The following LDLRAD2 variants were observed in gnomAD, a reference collection of about 807,000 sequenced individuals.
LDLRAD2 encodes low density lipoprotein receptor class A domain containing 2.
LDLRAD2 carries 25 observed loss-of-function variants against 24.9 expected under a neutral mutation model. That is an observed-to-expected ratio of 1.00 (90% CI 0.73 to 1.40). The LOEUF is 1.40. Among genes scored for constraint, LDLRAD2 ranks in the 40% most tolerant of loss-of-function variants. The pLI is 0.00. For missense variants in LDLRAD2, 391 were observed against 366.2 expected (o/e 1.07, Z -0.55); for synonymous variants, 182 against 166.7 (o/e 1.09, Z -0.71).
intron 3 of LDLRAD2, 66 bp downstream of exon 3, chr1:21,816,140 T>A: frequency 6.3e-7 from 1 of 1,576,654 alleles, no homozygotes; most frequent in Non-Finnish European, 8.6e-7. Flanking sequence ...TAACTCCCCT[T>A]CCCTAGGGCA....
Position 21,824,437 on chromosome 1 carries a change from C to G in LDLRAD2, c.*2222C>G. The G allele has an allele frequency of 6.2e-7, 1 of 1,604,438 alleles. No homozygotes were observed. Among genetic ancestry groups the G allele is most frequent in the Non-Finnish European group, 8.5e-7 (1 of 1,172,814 alleles). ...CCTGGAGAGCAGAGGCTGCCGAGGCCAGGGGGCTCTGCTTTCCCCTCCCCC... is the reference window on the plus strand; with the variant it reads ...CCTGGAGAGCAGAGGCTGCCGAGGCGAGGGGGCTCTGCTTTCCCCTCCCCC... On this transcript the variant is annotated 3_prime_UTR_variant, in exon 5 of 5. Coordinates refer to ENST00000344642, the MANE Select transcript of LDLRAD2 (RefSeq NM_001013693.3). The surrounding 1 kb of genome is among the most constrained non-coding windows in gnomAD (Gnocchi z 5.9).
At chr1:21,818,794 T>G (rs1310465790) in intron 3 of LDLRAD2, among the ~76,000 whole-genome samples, 1 of 152,050 alleles carries the variant, frequency 6.6e-6, no homozygotes, top group African/African-American at 2.4e-5. Context: ...AGGCAAAGCC[T>G]CGCCCGGGCT....
At position 21,823,356 on chromosome 1, in the gene LDLRAD2, C is replaced by T. The variant is rs557379530; in HGVS notation, c.*1141C>T. ...GCGTGTGTTGGCCCCGGCCTGGGCG[C>T]GGTGCTGCAGGTCCAGGGGCTGTGG... On this transcript the variant is annotated 3_prime_UTR_variant, in exon 5 of 5. Coordinates refer to ENST00000344642, the MANE Select transcript of LDLRAD2 (RefSeq NM_001013693.3). 5.4e-5 allele frequency: 84 copies of T among 1,544,938 alleles called. 2 individuals carry two copies. The South Asian group carries it at 9.0e-4, about 17-fold the overall frequency.
rs764363068 is a variant in LDLRAD2 at position 21,814,661 on chromosome 1, G to A, written c.349G>A (p.Glu117Lys). 1 of 1,593,012 alleles carries A rather than the reference G, an allele frequency of 6.3e-7. No homozygotes were observed. The highest frequency in any genetic ancestry group is 1.3e-5 in the African/African-American group (1 of 74,210). ...CAPGSYLQFY[E>K]GPPGAPRPLG... Reference sequence around the variant, plus strand: ...CCCCGGCTCCTACCTGCAGTTCTACGAGGGCCCGCCGGGGGCGCCCCGGCC... The same window carrying A: ...CCCCGGCTCCTACCTGCAGTTCTACAAGGGCCCGCCGGGGGCGCCCCGGCC... The change falls in exon 2 of 5, where the codon GAG (glutamate) becomes AAG (lysine). Residue 117 changes from glutamate to lysine, a missense_variant. Glu to Lys is a moderately conservative substitution (Grantham distance 56). Coordinates refer to ENST00000344642, the MANE Select transcript of LDLRAD2 (RefSeq NM_001013693.3).
Position 21,824,612 on chromosome 1 carries a change from C to T in LDLRAD2, c.*2397C>T, listed in dbSNP as rs750748476. ...GCTCGATGGTCTCGGGCACCTCGGG[C>T]AGGCTGCGGAGGAAGAGCGGGTGAG... is the stretch of plus-strand genomic sequence containing the variant. On this transcript the variant is annotated 3_prime_UTR_variant, in exon 5 of 5. Coordinates refer to ENST00000344642, the MANE Select transcript of LDLRAD2 (RefSeq NM_001013693.3). The surrounding 1 kb of genome is among the most constrained non-coding windows in gnomAD (Gnocchi z 5.9). 26 of 1,614,090 alleles carry T rather than the reference C, an allele frequency of 1.6e-5. No individual in the cohort carries two copies. Among genetic ancestry groups the T allele is most frequent in the Non-Finnish European group, 2.2e-5 (26 of 1,180,042 alleles).
chr1:21,821,422 T>C, intron 3 of LDLRAD2, 28 bp from the exon 4 acceptor site: 1 of 1,611,790 alleles, frequency 6.2e-7, no homozygotes, highest in Non-Finnish European at 8.5e-7. Flanking sequence ...CAGTTCTCAG[T>C]GTGCTAGTTC....
chr1:21,824,669 A>T lies in LDLRAD2; in HGVS notation c.*2454A>T, dbSNP rs555688147. On this transcript the variant is annotated 3_prime_UTR_variant, in exon 5 of 5. Coordinates refer to ENST00000344642, the MANE Select transcript of LDLRAD2 (RefSeq NM_001013693.3). The surrounding 1 kb of genome is among the most constrained non-coding windows in gnomAD (Gnocchi z 5.9). ...GAAGTCCCAGATTCCCATCCTCCCC[A>T]TTAGGCCCATGGGCCCTTCCAATGC... The T allele has an allele frequency of 2.5e-6, 4 of 1,613,220 alleles. No individual in the cohort carries two copies. In the African/African-American group the frequency reaches 4.0e-5, roughly 16 times the overall value.
chr1:21,822,509 T>G lies in LDLRAD2; in HGVS notation c.*294T>G. 1 of 320,280 alleles carries G rather than the reference T, an allele frequency of 3.1e-6. No homozygotes were observed. Among genetic ancestry groups the G allele is most frequent in the Non-Finnish European group, 6.0e-6 (1 of 165,404 alleles). 19.8% of individuals were successfully genotyped at this position (320,280 alleles called of 1,614,324 possible). The stretch of plus-strand genomic sequence containing the variant: ...CGGCATCCGTCCGTCCGTTGTCTGT[T>G]GGAGGAGTCCCTGGGCCTTCACTTC... On this transcript the variant is annotated 3_prime_UTR_variant, in exon 5 of 5. Coordinates refer to ENST00000344642, the MANE Select transcript of LDLRAD2 (RefSeq NM_001013693.3).
In LDLRAD2 at chr1:21,824,431, C is replaced by G; in HGVS notation, c.*2216C>G. 1.2e-6 allele frequency: 2 copies of G among 1,603,946 alleles called. No homozygotes were observed. Among genetic ancestry groups the G allele is most frequent in the Admixed American group, 3.3e-5 (2 of 60,016 alleles). Reference sequence around the variant, plus strand: ...CCCCAGCCTGGAGAGCAGAGGCTGCCGAGGCCAGGGGGCTCTGCTTTCCCC... The same window carrying G: ...CCCCAGCCTGGAGAGCAGAGGCTGCGGAGGCCAGGGGGCTCTGCTTTCCCC... On this transcript the variant is annotated 3_prime_UTR_variant, in exon 5 of 5. Coordinates refer to ENST00000344642, the MANE Select transcript of LDLRAD2 (RefSeq NM_001013693.3). This position sits in a 1 kb window ranked among gnomAD's most constrained non-coding sequence, Gnocchi z 5.9.
At chr1:21,816,853 A>G (rs2097944485) in intron 3 of LDLRAD2, among the ~76,000 whole-genome samples, 1 of 152,094 alleles carries the variant, frequency 6.6e-6, no homozygotes, top group South Asian at 2.1e-4. Flanking sequence ...CTTGTCCTCC[A>G]TCCAGGCTCA....
Position 21,821,711 on chromosome 1 carries a change from T to G in LDLRAD2, c.805+100T>G, listed in dbSNP as rs903970042. On this transcript the variant is annotated intron_variant, in intron 4 of 4. Transcript: ENST00000344642. ...CCCAGGCCGAGGCCTGAGTGGACTT[T>G]CTCTTCCCACAGGCCCCCAGCTCTG... The G allele has an allele frequency of 1.9e-6, 3 of 1,547,882 alleles. No individual in the cohort carries two copies. In the African/African-American group the frequency reaches 4.1e-5, roughly 21 times the overall value.
chr1:21,818,110 CAA>C (rs2097945922), intron 3 of LDLRAD2, among the ~76,000 whole-genome samples: 1 of 76,658 alleles, frequency 1.3e-5, no homozygotes, highest in African/African-American at 5.8e-5. Context: ...CTCCTGACCT[CAA>C]GTGATCCACC....
intron 3 of LDLRAD2, 146 bp from the exon 4 acceptor site, chr1:21,821,304 A>T: frequency 9.8e-7 from 1 of 1,019,198 alleles, no homozygotes; most frequent in Non-Finnish European, 1.4e-6. Context: ...ACTTCCAGCT[A>T]ATTGAACTCG....
chr1:21,814,587 C>T lies in LDLRAD2; in HGVS notation c.275C>T (p.Ala92Val). Residue 92 changes from alanine (A) to valine (V), a missense_variant, in exon 2 of 5, where the codon GCG (alanine) becomes GTG (valine). Physicochemically the swap from Ala to Val is moderately conservative, Grantham distance 64. Transcript: ENST00000344642. ...TTCCTGGTCTACAGCCTGACCCCCG[C>T]GCCCCCGGCGCTCAACACCTCCTCC... The part of the protein sequence containing the change: ...RFFLVYSLTP[A>V]PPALNTSSPA... The T allele has an allele frequency of 6.2e-7, 1 of 1,611,740 alleles. No homozygotes were observed. Among genetic ancestry groups the T allele is most frequent in the Non-Finnish European group, 8.5e-7 (1 of 1,179,256 alleles).
At chr1:21,820,961 G>A (rs1039569203) in intron 3 of LDLRAD2, among the ~76,000 whole-genome samples, 1 of 152,220 alleles carries the variant, frequency 6.6e-6, no homozygotes, top group African/African-American at 2.4e-5. Context: ...ATTTTGGGAG[G>A]CTGAGGCAGG....
intron 2 of LDLRAD2, among the ~76,000 whole-genome samples, chr1:21,815,654 AT>A (rs1029556849): frequency 2.6e-5 from 4 of 152,304 alleles, no homozygotes; most frequent in African/African-American, 9.6e-5. Context: ...TAATTAAAAA[AT>A]AATAAAATTA....
chr1:21,819,184 A>G (rs1322997832), intron 3 of LDLRAD2, among the ~76,000 whole-genome samples: 1 of 151,832 alleles, frequency 6.6e-6, no homozygotes, highest in Non-Finnish European at 1.5e-5. Context: ...GACCAACCTG[A>G]CCAACATGGA....
intron 3 of LDLRAD2, among the ~76,000 whole-genome samples, chr1:21,819,554 T>G (rs2152678798): frequency 7.1e-6 from 1 of 140,320 alleles, no homozygotes; most frequent in African/African-American, 2.7e-5. Context: ...AAATTTTCTT[T>G]ATAAGCATAT....
chr1:21,824,428 T>C lies in LDLRAD2; in HGVS notation c.*2213T>C, dbSNP rs770796732. The C allele has an allele frequency of 2.5e-6, 4 of 1,606,922 alleles. No homozygotes were observed. The African/African-American group carries it at 5.3e-5, about 21-fold the overall frequency. On this transcript the variant is annotated 3_prime_UTR_variant, in exon 5 of 5. Transcript: ENST00000344642. This position sits in a 1 kb window ranked among gnomAD's most constrained non-coding sequence, Gnocchi z 5.9. ...GGTCCCCAGCCTGGAGAGCAGAGGC[T>C]GCCGAGGCCAGGGGGCTCTGCTTTC...
Sources: allele counts gnomAD v4.1 joint callset (sites outside exome capture counted in the v4.1 genomes callset), GRCh38; gene constraint gnomAD v4.1.1; non-coding constraint Gnocchi (gnomAD v3.1); transcripts MANE v1.5; gene names NCBI Gene and HGNC (gene_info 2026-07-23, HGNC 2026-07-21).